The following TMEM181 variants were observed in gnomAD, a reference collection of about 807,000 sequenced individuals.
The protein encoded by TMEM181 is transmembrane protein 181, also known as G protein-coupled receptor 178.
A neutral mutation model predicts 71.9 loss-of-function variants in TMEM181; 39 were observed. That is an observed-to-expected ratio of 0.54 (90% confidence interval 0.42 to 0.71). The LOEUF (loss-of-function observed/expected upper bound fraction) is 0.71, where lower values mean the gene tolerates loss of function less well. TMEM181 is among the 30% of genes least tolerant of loss of function. TMEM181 has a pLI of 0.00. For missense variants in TMEM181, 595 were observed against 583.0 expected (o/e 1.02, Z -0.21); for synonymous variants, 245 against 228.8 (o/e 1.07, Z -0.64).
intron 1 of TMEM181, among the ~76,000 whole-genome samples, chr6:158,543,962 AG>A (rs1363152722): frequency 1.5e-4 from 23 of 152,330 alleles, no homozygotes; most frequent in African/African-American, 5.3e-4. Context: ...CAGGAGGACT[AG>A]GCAGGTCCTG....
intron 15 of TMEM181, among the ~76,000 whole-genome samples, chr6:158,630,700 AGT>A (rs1213621357): frequency 6.9e-6 from 1 of 145,298 alleles, no homozygotes; most frequent in African/African-American, 2.7e-5. Flanking sequence ...CATCTGTAGT[AGT>A]GTTGTTACCA....
intron 1 of TMEM181, among the ~76,000 whole-genome samples, chr6:158,565,161 C>G (rs1215101898): frequency 6.6e-6 from 1 of 152,260 alleles, no homozygotes; most frequent in Non-Finnish European, 1.5e-5. Context: ...GAGGTGTTCT[C>G]ACGACCTCTG....
At chr6:158,616,479 T>C (rs1785620408) in intron 10 of TMEM181, among the ~76,000 whole-genome samples, 1 of 152,214 alleles carries the variant, frequency 6.6e-6, no homozygotes, top group Non-Finnish European at 1.5e-5. Context: ...CCTTTATTTC[T>C]TTCTCCTGCC....
At chr6:158,619,052 G>A (rs984484602) in intron 10 of TMEM181, among the ~76,000 whole-genome samples, 3 of 152,126 alleles carry the variant, frequency 2.0e-5, no homozygotes, top group African/African-American at 7.2e-5. Flanking sequence ...GCTAGGTTGG[G>A]GAAGTTCTCC....
intron 6 of TMEM181, 121 bp from the exon 7 acceptor site, chr6:158,605,146 G>C (rs1303674841): frequency 3.1e-5 from 18 of 587,660 alleles, no homozygotes; most frequent in Non-Finnish European, 5.1e-5. Context: ...GTGTGTGTGT[G>C]TGTGTGTGTG....
chr6:158,537,287 C>T (rs1396213642), intron 1 of TMEM181, among the ~76,000 whole-genome samples: 2 of 152,086 alleles, frequency 1.3e-5, no homozygotes, highest in African/African-American at 4.8e-5. Context: ...GCGCGCGCTG[C>T]GGCGTCGGGA....
At chr6:158,597,519 G>A (rs114604099) in intron 6 of TMEM181, among the ~76,000 whole-genome samples, 181 of 151,896 alleles carry the variant, frequency 1.2e-3, no homozygotes, top group African/African-American at 4.2e-3. Flanking sequence ...CCCCTTTTTT[G>A]AGACAGGGTT....
At chr6:158,622,192 ATTAT>A (rs1255378612) in intron 10 of TMEM181, among the ~76,000 whole-genome samples, 2 of 152,252 alleles carry the variant, frequency 1.3e-5, no homozygotes, top group African/African-American at 4.8e-5. Flanking sequence ...TATGATAAAG[ATTAT>A]TTGTTAGGCT....
intron 1 of TMEM181, among the ~76,000 whole-genome samples, chr6:158,542,025 C>T (rs1453158326): frequency 6.6e-6 from 1 of 151,458 alleles, no homozygotes; most frequent in East Asian, 1.9e-4. Flanking sequence ...CCTGGCTCAG[C>T]CTCCCAAGTA....
intron 1 of TMEM181, among the ~76,000 whole-genome samples, chr6:158,563,610 C>G (rs1331525844): frequency 6.6e-6 from 1 of 152,232 alleles, no homozygotes; most frequent in Non-Finnish European, 1.5e-5. Flanking sequence ...CACTGGCCAG[C>G]GTTTGACCTA....
At position 158,585,264 on chromosome 6, in the gene TMEM181, C is replaced by T. The variant is rs2128302080; in HGVS notation, c.260-40C>T. On this transcript the variant is annotated intron_variant, in intron 4 of 16. Coordinates refer to ENST00000684151, the MANE Select transcript of TMEM181 (RefSeq NM_001376852.1). ...AAGGCACCTTTGTAGGTGTGATGTG[C>T]CTGGCATGGTCTCTAACACTGAATT... 5.2e-6 allele frequency: 8 copies of T among 1,544,314 alleles called. No homozygotes were observed. The East Asian group carries it at 1.6e-4, about 31-fold the overall frequency.
At chr6:158,560,019 T>C (rs757506744), upstream of TMEM181, 1,403 of 983,508 alleles carry the variant, frequency 1.4e-3, 2 homozygotes, top group Non-Finnish European at 1.6e-3. Context: ...GCGGCCCCGC[T>C]TCCACCGCGC....
chr6:158,536,969 C>G, intron 1 of TMEM181: 2 of 859,756 alleles, frequency 2.3e-6, no homozygotes, highest in East Asian at 7.5e-5. Context: ...CGCCGACGGC[C>G]GCCTCCGCCG....
intron 1 of TMEM181, among the ~76,000 whole-genome samples, chr6:158,543,746 C>T (rs942793464): frequency 1.1e-4 from 17 of 152,220 alleles, no homozygotes; most frequent in African/African-American, 2.7e-4. Context: ...TTAGCTTGCT[C>T]GTCTGCCAAG....
rs1786809456 is a variant in TMEM181 at position 158,634,099 on chromosome 6, A to T, written c.*2211A>T. The T allele has an allele frequency of 6.6e-6, 1 of 152,258 alleles. No individual in the cohort carries two copies. Among genetic ancestry groups the T allele is most frequent in the Admixed American group, 6.5e-5 (1 of 15,286 alleles). 9.4% of individuals were successfully genotyped at this position (152,258 alleles called of 1,614,324 possible). ...TCATACATTGAGTCTTCATGCATCA[A>T]TGAAATGAAAAATATAGGATTATTT... On this transcript the variant is annotated 3_prime_UTR_variant, in exon 17 of 17. Coordinates refer to ENST00000684151, the MANE Select transcript of TMEM181 (RefSeq NM_001376852.1).
At chr6:158,626,924 T>TCACCCCTCA (rs1335547711) in intron 13 of TMEM181, among the ~76,000 whole-genome samples, 30 of 85,134 alleles carry the variant, frequency 3.5e-4, no homozygotes, top group African/African-American at 1.9e-3. Flanking sequence ...ACCCTCATTC[T>TCACCCCTCA]CACCCTCATT....
chr6:158,579,026 A>T (rs745503102), intron 2 of TMEM181, among the ~76,000 whole-genome samples: 1 of 152,124 alleles, frequency 6.6e-6, no homozygotes, highest in East Asian at 1.9e-4. Context: ...TGGGAGGCTG[A>T]GGCGGGTGAA....
chr6:158,545,055 G>T (rs963542998), intron 1 of TMEM181, among the ~76,000 whole-genome samples: 5 of 152,196 alleles, frequency 3.3e-5, no homozygotes, highest in Admixed American at 1.3e-4. Flanking sequence ...ACAGGGAGAG[G>T]ATGCTGCCCA....
chr6:158,611,124 G>A, intron 10 of TMEM181: 2 of 522,406 alleles, frequency 3.8e-6, no homozygotes, highest in Admixed American at 4.0e-5. Flanking sequence ...TCCTCAGTGG[G>A]TTTCTCCTGA....
Sources: gnomAD v4.1 joint callset for allele counts (sites outside exome capture counted in the v4.1 genomes callset) on GRCh38, gnomAD v4.1.1 for gene constraint, MANE v1.5 for transcripts, NCBI Gene and HGNC (gene_info 2026-07-23, HGNC 2026-07-21) for gene names.